The following IL1RAPL1 variants were observed in gnomAD, a reference collection of about 807,000 sequenced individuals.
IL1RAPL1 encodes the protein interleukin-1 receptor accessory protein-like 1.
Under a neutral mutation model 48.4 loss-of-function variants are expected in IL1RAPL1, and 3 were observed. The observed-to-expected ratio is 0.06, with a 90% confidence interval of 0.03 to 0.16. The LOEUF (loss-of-function observed/expected upper bound fraction) is 0.16. Among genes scored for constraint, IL1RAPL1 ranks in the 10% least tolerant of loss-of-function variants. The pLI is 1.00. For synonymous variants in IL1RAPL1, 185 were observed against 187.7 expected (o/e 0.99, Z 0.12); for missense variants, 349 against 530.6 (o/e 0.66, Z 3.36).
intron 6 of IL1RAPL1, among the ~76,000 whole-genome samples, chrX:29,878,634 G>T (rs1459235162): frequency 8.9e-6 from 1 of 111,886 alleles, no homozygotes; most frequent in Non-Finnish European, 1.9e-5. Flanking sequence ...ATTATCTACA[G>T]ATATAATTCT....
At chrX:29,796,121 C>T (rs1219199053) in intron 6 of IL1RAPL1, among the ~76,000 whole-genome samples, 3 of 111,708 alleles carry the variant, frequency 2.7e-5, no homozygotes, top group Non-Finnish European at 5.6e-5. Context: ...TACTCATATT[C>T]CCGAATAAAC....
chrX:29,032,572 CT>C (rs762046684), intron 2 of IL1RAPL1, among the ~76,000 whole-genome samples: 1 of 112,554 alleles, frequency 8.9e-6, no homozygotes, highest in African/African-American at 3.2e-5. Context: ...AAGGTGTCCC[CT>C]GGTCTTTTCT....
chrX:28,619,641 T>C (rs1002628772), intron 1 of IL1RAPL1, among the ~76,000 whole-genome samples: 1 of 109,204 alleles, frequency 9.2e-6, no homozygotes, highest in Non-Finnish European at 1.9e-5. Context: ...AAAAAAATTG[T>C]TTAACTGAGT....
chrX:29,718,264 A>C (rs1220363799), intron 6 of IL1RAPL1, among the ~76,000 whole-genome samples: 1 of 111,075 alleles, frequency 9.0e-6, no homozygotes, highest in Non-Finnish European at 1.9e-5. Context: ...ACCATGGAAT[A>C]CTATGCAGCT....
At chrX:28,849,003 A>G (rs959219626) in intron 2 of IL1RAPL1, among the ~76,000 whole-genome samples, 12 of 111,305 alleles carry the variant, frequency 1.1e-4, no homozygotes, top group Admixed American at 3.8e-4. Flanking sequence ...TTTCAGCCCT[A>G]AGCTGATAGT....
chrX:29,763,686 A>G (rs1928808272), intron 6 of IL1RAPL1, among the ~76,000 whole-genome samples: 2 of 111,335 alleles, frequency 1.8e-5, no homozygotes, highest in South Asian at 3.8e-4. Context: ...TTCACCATAG[A>G]CAATGAACCA....
chrX:29,008,334 T>C (rs113417497), intron 2 of IL1RAPL1, among the ~76,000 whole-genome samples: 6,990 of 110,312 alleles, frequency 0.063, 286 homozygotes, highest in African/African-American at 0.13. Context: ...GCCACCACGC[T>C]TGGCTATTTT....
chrX:29,549,912 C>T (rs1351803012), intron 5 of IL1RAPL1, among the ~76,000 whole-genome samples: 1 of 111,824 alleles, frequency 8.9e-6, no homozygotes, highest in Non-Finnish European at 1.9e-5. Context: ...TTCAATCCCA[C>T]CATTTAAGAA....
chrX:29,378,758 G>T (rs184531262), intron 3 of IL1RAPL1, among the ~76,000 whole-genome samples: 111 of 111,607 alleles, frequency 9.9e-4, no homozygotes, highest in Middle Eastern at 4.7e-3. Flanking sequence ...TGCATTTGCA[G>T]CCATGCTCTG....
At chrX:29,874,850 T>C (rs538391633) in intron 6 of IL1RAPL1, among the ~76,000 whole-genome samples, 2 of 112,428 alleles carry the variant, frequency 1.8e-5, no homozygotes, top group African/African-American at 6.4e-5. Context: ...TGGATACAAA[T>C]TTCCACCAAA....
intron 2 of IL1RAPL1, among the ~76,000 whole-genome samples, chrX:29,046,848 T>G (rs749568465): frequency 8.9e-6 from 1 of 112,442 alleles, no homozygotes; most frequent in South Asian, 3.7e-4. Context: ...CTCAATAGGC[T>G]TGAATGGCTA....
intron 3 of IL1RAPL1, among the ~76,000 whole-genome samples, chrX:29,381,834 ATAT>A (rs1403210541): frequency 6.5e-4 from 12 of 18,416 alleles, no homozygotes; most frequent in African/African-American, 8.8e-4. Context: ...AAAAAAAAAA[ATAT>A]ATATATATAT....
intron 2 of IL1RAPL1, among the ~76,000 whole-genome samples, chrX:28,893,139 G>A (rs920549399): frequency 1.2e-4 from 13 of 110,997 alleles, no homozygotes; most frequent in Non-Finnish European, 1.5e-4. Flanking sequence ...TTTTTGGGGT[G>A]CAGTCTAAGT....
chrX:28,595,831 G>C (rs1240951347), intron 1 of IL1RAPL1, among the ~76,000 whole-genome samples: 1 of 111,709 alleles, frequency 9.0e-6, no homozygotes, highest in African/African-American at 3.3e-5. Flanking sequence ...GCTCCTAATT[G>C]TTCTCACCAT....
intron 5 of IL1RAPL1, among the ~76,000 whole-genome samples, chrX:29,450,362 T>C (rs1934665242): frequency 8.9e-6 from 1 of 111,781 alleles, no homozygotes; most frequent in African/African-American, 3.3e-5. Flanking sequence ...GCCAGAGAGT[T>C]CATATTTTAG....
intron 2 of IL1RAPL1, among the ~76,000 whole-genome samples, chrX:29,232,577 ATC>A (rs1214640302): frequency 8.9e-6 from 1 of 111,894 alleles, no homozygotes; most frequent in East Asian, 2.8e-4. Context: ...ATTTACAATC[ATC>A]TGACAGTCAT....
intron 2 of IL1RAPL1, among the ~76,000 whole-genome samples, chrX:29,045,934 C>CT (rs1388679726): frequency 8.2e-4 from 37 of 44,919 alleles, no homozygotes; most frequent in African/African-American, 3.7e-3. Flanking sequence ...CCTCCTCCTC[C>CT]TCCTTCTTCC....
At chrX:29,368,259 A>G (rs1454872578) in intron 3 of IL1RAPL1, among the ~76,000 whole-genome samples, 2 of 112,426 alleles carry the variant, frequency 1.8e-5, no homozygotes, top group Non-Finnish European at 3.8e-5. Context: ...AGACTGTGCT[A>G]TTTTTTTATA....
At chrX:29,500,233 G>A (rs1033659208) in intron 5 of IL1RAPL1, among the ~76,000 whole-genome samples, 5 of 111,846 alleles carry the variant, frequency 4.5e-5, no homozygotes, top group Non-Finnish European at 5.6e-5. Flanking sequence ...CTCCCATCTC[G>A]GCCTCCCAAA....
Sources: gnomAD v4.1 joint callset for allele counts (sites outside exome capture counted in the v4.1 genomes callset) on GRCh38, gnomAD v4.1.1 for gene constraint, MANE v1.5 for transcripts, NCBI Gene and HGNC (gene_info 2026-07-23, HGNC 2026-07-21) for gene names.